The following BRD10 variants were observed in gnomAD, a reference collection of about 807,000 sequenced individuals.
BRD10 encodes uncharacterized bromodomain-containing protein 10.
At chr9:5,924,875 A>C in the BRD10 span, 1 of 1,353,172 alleles carries the variant, frequency 7.4e-7, no homozygotes, top group African/African-American at 1.5e-5. Flanking sequence ...ATAATAAATA[A>C]TACATATGAT....
chr9:5,934,353 C>CTTTT, the BRD10 span, among the ~76,000 whole-genome samples: 1 of 125,202 alleles, frequency 8.0e-6, no homozygotes, highest in African/African-American at 3.0e-5. Context: ...ATATATTACG[C>CTTTT]TTTTCTTTTT....
chr9:5,933,871 A>G, the BRD10 span: 1 of 469,394 alleles, frequency 2.1e-6, no homozygotes, highest in South Asian at 1.6e-5. Context: ...GATGCTGGGG[A>G]CATTGGATAC....
At chr9:5,989,839 C>A in the BRD10 span, among the ~76,000 whole-genome samples, 1 of 152,140 alleles carries the variant, frequency 6.6e-6, no homozygotes, top group Non-Finnish European at 1.5e-5. Context: ...AAACATAAAT[C>A]TTTATGACAT....
the BRD10 span, among the ~76,000 whole-genome samples, chr9:5,935,148 T>C: frequency 6.6e-6 from 1 of 152,242 alleles, no homozygotes; most frequent in South Asian, 2.1e-4. Flanking sequence ...ACAGAAGCTC[T>C]AACATGAACT....
At chr9:5,917,202 C>G in the BRD10 span, among the ~76,000 whole-genome samples, 2 of 152,128 alleles carry the variant, frequency 1.3e-5, no homozygotes, top group African/African-American at 4.8e-5. Flanking sequence ...TGAAGAAGTG[C>G]TATGTTGTTC....
chr9:6,008,071 G>T, the BRD10 span: 4 of 981,786 alleles, frequency 4.1e-6, no homozygotes, highest in African/African-American at 1.8e-5. Context: ...GGCCCTCGCC[G>T]GCCTCACCCC....
the BRD10 span, chr9:5,922,045 C>T: frequency 2.5e-6 from 4 of 1,614,004 alleles, no homozygotes; most frequent in Non-Finnish European, 3.4e-6. Context: ...ATGCCTGCAG[C>T]TGAGGAGCAA....
chr9:5,948,523 G>A, the BRD10 span, among the ~76,000 whole-genome samples: 6 of 151,638 alleles, frequency 4.0e-5, no homozygotes, highest in African/African-American at 2.4e-5. Flanking sequence ...CTCCATGACC[G>A]TATCTCAGAA....
the BRD10 span, among the ~76,000 whole-genome samples, chr9:5,880,268 C>T: frequency 0.055 from 8,331 of 151,394 alleles, 745 homozygotes; most frequent in African/African-American, 0.19. Context: ...AATCCCAGCA[C>T]TTTGGGAGGC....
the BRD10 span, among the ~76,000 whole-genome samples, chr9:5,942,217 C>A: frequency 6.6e-6 from 1 of 151,994 alleles, no homozygotes; most frequent in East Asian, 1.9e-4. Flanking sequence ...AACAATATAA[C>A]AATATTGTTA....
At chr9:5,988,960 G>C in the BRD10 span, among the ~76,000 whole-genome samples, 1 of 152,186 alleles carries the variant, frequency 6.6e-6, no homozygotes, top group South Asian at 2.1e-4. Context: ...GCCGGGTGCA[G>C]TGGCTCATGC....
chr9:5,905,960 C>T, the BRD10 span, among the ~76,000 whole-genome samples: 2 of 152,012 alleles, frequency 1.3e-5, no homozygotes, highest in South Asian at 2.1e-4. Context: ...TGTATCATTG[C>T]TGTTATTAAT....
the BRD10 span, among the ~76,000 whole-genome samples, chr9:6,005,746 T>G: frequency 2.6e-5 from 4 of 152,232 alleles, no homozygotes; most frequent in African/African-American, 9.6e-5. Context: ...TTGTTTTTTA[T>G]GTGAGTCACA....
the BRD10 span, among the ~76,000 whole-genome samples, chr9:5,972,621 CTT>C: frequency 2.6e-5 from 4 of 152,156 alleles, no homozygotes; most frequent in Non-Finnish European, 4.4e-5. Flanking sequence ...CCTCCTCTCT[CTT>C]GTTACCTTTC....
the BRD10 span, chr9:5,920,862 T>A: frequency 1.2e-6 from 2 of 1,613,894 alleles, no homozygotes; most frequent in East Asian, 4.5e-5. Context: ...GTTTTCACAG[T>A]TGATATAGCC....
At chr9:5,953,416 C>G in the BRD10 span, among the ~76,000 whole-genome samples, 1 of 152,064 alleles carries the variant, frequency 6.6e-6, no homozygotes, top group Non-Finnish European at 1.5e-5. Flanking sequence ...ATAAAAAACT[C>G]TTCACTTAAT....
At chr9:5,917,083 C>T in the BRD10 span, among the ~76,000 whole-genome samples, 9 of 152,152 alleles carry the variant, frequency 5.9e-5, no homozygotes, top group Non-Finnish European at 1.3e-4. Context: ...TGTCACCCAC[C>T]TACTCAACAA....
the BRD10 span, among the ~76,000 whole-genome samples, chr9:5,895,365 G>C: frequency 6.6e-6 from 1 of 151,934 alleles, no homozygotes; most frequent in Non-Finnish European, 1.5e-5. Flanking sequence ...GATGGAGGTA[G>C]GGGAATGGGG....
the BRD10 span, among the ~76,000 whole-genome samples, chr9:5,967,043 C>T: frequency 9.9e-5 from 15 of 152,230 alleles, no homozygotes; most frequent in Admixed American, 7.2e-4. Context: ...AAACATAACA[C>T]CAATTAGCTA....
Sources: gnomAD v4.1 joint callset for allele counts (sites outside exome capture counted in the v4.1 genomes callset) on GRCh38, gnomAD v4.1.1 for gene constraint, MANE v1.5 for transcripts, NCBI Gene and HGNC (gene_info 2026-07-23, HGNC 2026-07-21) for gene names.